ZNF195: variants seen among roughly 807,000 people sequenced by gnomAD.
ZNF195 encodes hypoxia-regulated factor-1.
A neutral mutation model predicts 19.5 loss-of-function variants in ZNF195; 11 were observed. The observed-to-expected ratio is 0.57, with a 90% CI of 0.36 to 0.94. The LOEUF (loss-of-function observed/expected upper bound fraction) is 0.94. Among genes scored for constraint, ZNF195 ranks in the 40% least tolerant of loss-of-function variants. ZNF195 has a pLI of 0.01. For missense variants in ZNF195, 582 were observed against 709.0 expected, an observed-to-expected ratio of 0.82 and a Z score of 2.03; for synonymous variants, 214 against 248.1, an observed-to-expected ratio of 0.86 and a Z score of 1.29.
chr11:3,374,708 A>G (rs1320916476), intron 1 of ZNF195, among the ~76,000 whole-genome samples: 4 of 152,142 alleles, frequency 2.6e-5, no homozygotes, highest in African/African-American at 7.2e-5. Flanking sequence ...TTCCTCTTCT[A>G]TTTTCCTATC....
chr11:3,362,998 C>T (rs1848705964), intron 3 of ZNF195, among the ~76,000 whole-genome samples: 1 of 152,126 alleles, frequency 6.6e-6, no homozygotes, highest in South Asian at 2.1e-4. Context: ...CTAAAACATA[C>T]TTTAAGTCAG....
chr11:3,367,610 G>A (rs1270393200), intron 3 of ZNF195, among the ~76,000 whole-genome samples: 1 of 151,990 alleles, frequency 6.6e-6, no homozygotes, highest in Non-Finnish European at 1.5e-5. Context: ...AATTTAAAAT[G>A]CTGCCATCCA....
intron 1 of ZNF195, among the ~76,000 whole-genome samples, chr11:3,374,809 C>G (rs1249359485): frequency 6.6e-6 from 1 of 152,222 alleles, no homozygotes; most frequent in African/African-American, 2.4e-5. Context: ...AGGCACTTTC[C>G]ATTGTTGTGT....
At position 3,359,054 on chromosome 11, in the gene ZNF195, T is replaced by G. The variant is rs575870791; in HGVS notation, c.*64A>C. On this transcript the variant is annotated 3_prime_UTR_variant, in exon 6 of 6. Transcript: ENST00000399602. This position sits in a 1 kb window ranked among gnomAD's most constrained non-coding sequence, Gnocchi z 5.5. ...TAACTTTATTAAGTCTGAACTCTGA[T>G]GTAAAGTGGGATGCGAGCAGATACT... 3 of 1,479,066 alleles carry G rather than the reference T, an allele frequency of 2.0e-6. No individual in the cohort carries two copies. In the African/African-American group the frequency reaches 4.2e-5, roughly 21 times the overall value. The allele number at this position is 1,479,066 out of a possible 1,614,324, so 91.6% of individuals were successfully genotyped here. A position where few individuals can be genotyped will look rare whatever the true frequency, so the allele number is the denominator to read the frequency against.
chr11:3,362,694 C>T (rs1474090493), intron 3 of ZNF195: 3 of 407,470 alleles, frequency 7.4e-6, no homozygotes, highest in Non-Finnish European at 1.3e-5. Flanking sequence ...GAAAAAGCTA[C>T]AAGAATCAAG....
At chr11:3,375,093 G>C (rs555452139) in intron 1 of ZNF195, among the ~76,000 whole-genome samples, 2 of 152,168 alleles carry the variant, frequency 1.3e-5, no homozygotes, top group African/African-American at 4.8e-5. Context: ...CCAAAACTCT[G>C]ATTTAATTCT....
chr11:3,371,117 AT>A, intron 2 of ZNF195, 47 bp from the exon 3 acceptor site: 2 of 1,579,808 alleles, frequency 1.3e-6, no homozygotes, highest in Non-Finnish European at 1.7e-6. Context: ...AAATTCTCCA[AT>A]TATCAACCTT....
At chr11:3,366,615 A>G (rs1236130277) in intron 3 of ZNF195, 2 of 153,780 alleles carry the variant, frequency 1.3e-5, no homozygotes, top group Non-Finnish European at 2.9e-5. Context: ...CTATAGAGAA[A>G]TGCAAAACAA....
At chr11:3,377,293 C>G (rs559756712) in intron 1 of ZNF195, among the ~76,000 whole-genome samples, 1 of 152,318 alleles carries the variant, frequency 6.6e-6, no homozygotes, top group South Asian at 2.1e-4. Flanking sequence ...TCAAGTCAGG[C>G]TATTCTATTC....
chr11:3,359,157 C>T lies in ZNF195; in HGVS notation c.1851G>A (p.Gln617=), dbSNP rs1564909976. 6.2e-7 allele frequency: 1 copy of T among 1,601,554 alleles called. No homozygotes were observed. Among genetic ancestry groups the T allele is most frequent in the African/African-American group, 1.3e-5 (1 of 74,160 alleles). Residue 617 remains glutamine (Q), a synonymous_variant, in exon 6 of 6, where the codon CAG becomes CAA. Coordinates refer to ENST00000399602, the MANE Select transcript of ZNF195 (RefSeq NM_001130520.3). This position sits in a 1 kb window ranked among gnomAD's most constrained non-coding sequence, Gnocchi z 5.5. The part of the protein sequence containing the change: ...KCEKCGKAFT[Q]FSHLTVHESI... ...TTTCATGTACAGTCAGGTGTGAGAACTGGGTGAAGGCTTTGCCACACTTTT... is the reference window on the plus strand; with the variant it reads ...TTTCATGTACAGTCAGGTGTGAGAATTGGGTGAAGGCTTTGCCACACTTTT...
At position 3,359,531 on chromosome 11, in the gene ZNF195, G is replaced by GT; in HGVS notation, c.1476dup (p.Pro493ThrfsTer5). 2 of 1,614,180 alleles carry GT rather than the reference G, an allele frequency of 1.2e-6. No homozygotes were observed. The highest frequency in any genetic ancestry group is 1.7e-6 in the Non-Finnish European group (2 of 1,180,030). On this transcript the variant is annotated frameshift_variant, in exon 6 of 6. Transcript: ENST00000399602. LOFTEE classifies it low-confidence loss of function (END_TRUNC). The surrounding 1 kb of genome is among the most constrained non-coding windows in gnomAD (Gnocchi z 5.5). The stretch of plus-strand genomic sequence containing the variant: ...TTGCCACATTCTTCACACGTGTAGG[G>GT]TTTTTCTTCAGAATGAGTTCTCTTA...
intron 3 of ZNF195, chr11:3,368,767 T>G (rs1849031189): frequency 6.6e-6 from 3 of 451,520 alleles, no homozygotes; most frequent in Non-Finnish European, 1.3e-5. Flanking sequence ...GAGCCCAGAA[T>G]TAAACTCATG....
chr11:3,371,549 A>G (rs1274841710), intron 2 of ZNF195, 28 bp downstream of exon 2: 11 of 1,613,818 alleles, frequency 6.8e-6, no homozygotes, highest in African/African-American at 1.3e-5. Context: ...AGGGCATAGG[A>G]GGAACTACGT....
intron 3 of ZNF195, among the ~76,000 whole-genome samples, chr11:3,367,532 T>C (rs955238771): frequency 7.9e-5 from 12 of 152,216 alleles, no homozygotes; most frequent in African/African-American, 2.4e-4. Context: ...TGAGAACATT[T>C]TAATGACTAA....
In ZNF195 at chr11:3,370,985, G is replaced by A. The variant is rs756343256; in HGVS notation, c.216C>T (p.Asp72=). The A allele has an allele frequency of 2.0e-5, 32 of 1,613,740 alleles. No homozygotes were observed. In the East Asian group the frequency reaches 4.2e-4, roughly 21 times the overall value. ...TTCATTCCCACCCACCTGGATGTCCGTCTGCTGCCTCCTGTCTCTTCACAT... is the reference window on the plus strand; with the variant it reads ...TTCATTCCCACCCACCTGGATGTCCATCTGCTGCCTCCTGTCTCTTCACAT... ...PWNVKRQEAA[D]GHPEMGFHHA... Residue 72 remains aspartate (D), a synonymous_variant, in exon 3 of 6, where the codon GAC becomes GAT. Coordinates refer to ENST00000399602, the MANE Select transcript of ZNF195 (RefSeq NM_001130520.3).
rs368444165 is a variant in ZNF195, at chr11:3,370,981, G to A, written c.220C>T (p.His74Tyr). Residue 74 changes from histidine (H) to tyrosine (Y), a missense_variant, in exon 3 of 6, where the codon CAT becomes TAT. Transcript: ENST00000399602. Reference protein sequence around the residue: ...NVKRQEAADGHPEMGFHHATQ... With the variant: ...NVKRQEAADGYPEMGFHHATQ... The stretch of plus-strand genomic sequence containing the variant: ...TTCGTTCATTCCCACCCACCTGGAT[G>A]TCCGTCTGCTGCCTCCTGTCTCTTC... 29 of 1,613,754 alleles carry A rather than the reference G, an allele frequency of 1.8e-5. No homozygotes were observed. Among genetic ancestry groups the A allele is most frequent in the Non-Finnish European group, 2.5e-5 (29 of 1,179,718 alleles).
At chr11:3,378,833 G>A (rs1023891407) in intron 1 of ZNF195, among the ~76,000 whole-genome samples, 5 of 152,340 alleles carry the variant, frequency 3.3e-5, no homozygotes, top group Middle Eastern at 3.4e-3. Flanking sequence ...GAGCTGCCGG[G>A]GGGACATGGC....
At chr11:3,378,997 G>C in intron 1 of ZNF195, 41 bp downstream of exon 1, 1 of 1,390,880 alleles carries the variant, frequency 7.2e-7, no homozygotes. Flanking sequence ...GTTCCAGTCC[G>C]CCCCTCCCTG....
intron 1 of ZNF195, among the ~76,000 whole-genome samples, chr11:3,376,603 T>A (rs901535292): frequency 6.6e-6 from 1 of 152,214 alleles, no homozygotes; most frequent in African/African-American, 2.4e-5. Context: ...ACAAAATCAC[T>A]GAAACAGTTT....
Sources: gnomAD v4.1 joint callset for allele counts (sites outside exome capture counted in the v4.1 genomes callset) on GRCh38, gnomAD v4.1.1 for gene constraint, Gnocchi (gnomAD v3.1) non-coding constraint, MANE v1.5 for transcripts, NCBI Gene and HGNC (gene_info 2026-07-23, HGNC 2026-07-21) for gene names.